Variants in RBFOX3 observed in about 807,000 individuals in gnomAD.
The protein encoded by RBFOX3 is RNA binding fox-1 homolog 3.
RBFOX3 carries 17 observed loss-of-function variants against 48.7 expected under a neutral mutation model. The ratio of observed to expected loss-of-function variants is 0.35; its 90% CI spans 0.24 to 0.52. The LOEUF (loss-of-function observed/expected upper bound fraction) is 0.52. RBFOX3 is among the 20% of genes least tolerant of loss of function. The pLI, the probability that RBFOX3 is intolerant of heterozygous loss-of-function variation, is 0.94. For synonymous variants in RBFOX3, 212 were observed against 209.5 expected, an observed-to-expected ratio of 1.01 and a Z score of -0.10; for missense variants, 382 against 497.5, an observed-to-expected ratio of 0.77 and a Z score of 2.21.
chr17:79,554,885 C>T lies in RBFOX3; in HGVS notation c.-320+55941G>A, dbSNP rs977690656. On this transcript the variant is annotated intron_variant, in intron 1 of 14. Transcript: ENST00000693108. Reference sequence around the variant, plus strand: ...TCCCTCTTTTATGGAATAGAAGACCCGGGCTTAGAGAAGCTAAAGACTTCT... The same window carrying T: ...TCCCTCTTTTATGGAATAGAAGACCTGGGCTTAGAGAAGCTAAAGACTTCT... Among the ~76,000 whole-genome samples the T allele has an allele frequency of 1.6e-3, 243 of 152,274 alleles. 1 individual carries two copies. The highest frequency in any genetic ancestry group is 5.8e-3 in the Admixed American group (89 of 15,300).
intron 2 of RBFOX3, among the ~76,000 whole-genome samples, chr17:79,427,103 T>C (rs568459916): frequency 9.9e-5 from 15 of 152,202 alleles, no homozygotes; most frequent in African/African-American, 2.9e-4. Flanking sequence ...GCTCTCTACA[T>C]CCTCAGTTCT....
At chr17:79,545,424 G>T (rs1432322025) in intron 1 of RBFOX3, among the ~76,000 whole-genome samples, 2 of 152,100 alleles carry the variant, frequency 1.3e-5, no homozygotes, top group African/African-American at 4.8e-5. Context: ...CGGCCACAGG[G>T]TCCCACCGGC....
chr17:79,550,453 T>A (rs2091025097), intron 1 of RBFOX3, among the ~76,000 whole-genome samples: 1 of 151,732 alleles, frequency 6.6e-6, no homozygotes, highest in Non-Finnish European at 1.5e-5. Flanking sequence ...AGGAAGTACA[T>A]CACACACACA....
intron 2 of RBFOX3, among the ~76,000 whole-genome samples, chr17:79,317,205 C>T (rs991558483): frequency 1.3e-5 from 2 of 152,210 alleles, no homozygotes; most frequent in African/African-American, 4.8e-5. Flanking sequence ...CAGCATATGG[C>T]CCGGCTGAAA....
chr17:79,532,522 C>T (rs2087956525), intron 1 of RBFOX3, among the ~76,000 whole-genome samples: 1 of 152,174 alleles, frequency 6.6e-6, no homozygotes, highest in African/African-American at 2.4e-5. Context: ...CAGGGGGCCA[C>T]ACGTGGGAGG....
chr17:79,260,396 T>A (rs898525), intron 3 of RBFOX3, among the ~76,000 whole-genome samples: 49,075 of 152,122 alleles, frequency 0.32, 8,330 homozygotes, highest in Non-Finnish European at 0.39. Flanking sequence ...GGAACCCAGA[T>A]GGGGTCTTGT....
intron 2 of RBFOX3, among the ~76,000 whole-genome samples, chr17:79,404,125 A>C (rs1444540554): frequency 6.6e-6 from 1 of 152,172 alleles, no homozygotes; most frequent in Non-Finnish European, 1.5e-5. Context: ...CTTCCCTGCC[A>C]AGGGTGATGC....
intron 6 of RBFOX3, 134 bp downstream of exon 6, chr17:79,106,517 C>G: frequency 8.4e-7 from 1 of 1,195,412 alleles, no homozygotes; most frequent in Middle Eastern, 2.9e-4. Context: ...TCCTGGGGCC[C>G]CGGAGGCTCC....
the RBFOX3 span, among the ~76,000 whole-genome samples, chr17:79,633,445 G>T: frequency 6.6e-6 from 1 of 152,226 alleles, no homozygotes; most frequent in Non-Finnish European, 1.5e-5. Context: ...AGGGAGGTGG[G>T]CTGGGTGGGC....
At position 79,372,310 on chromosome 17, in the gene RBFOX3, C is replaced by G. The variant is rs868225121; in HGVS notation, c.-174-64486G>C. On this transcript the variant is annotated intron_variant, in intron 2 of 14. Coordinates refer to ENST00000693108, the MANE Select transcript of RBFOX3 (RefSeq NM_001350451.2). The stretch of plus-strand genomic sequence containing the variant: ...CTATAGCCCCTCTATACTATAGACC[C>G]CCCCCTGTCAAATCCCCCCCATCCT... Among the ~76,000 whole-genome samples, 126 of 120,022 alleles carry G rather than the reference C, an allele frequency of 1.0e-3. 2 individuals are homozygous for G. Among genetic ancestry groups the G allele is most frequent in the Admixed American group, 6.1e-3 (66 of 10,820 alleles). 78.7% of individuals were successfully genotyped at this position (120,022 alleles called of 152,430 possible). A position where few individuals can be genotyped will look rare whatever the true frequency, so the allele number is the denominator to read the frequency against.
intron 1 of RBFOX3, among the ~76,000 whole-genome samples, chr17:79,519,462 C>A (rs1161567129): frequency 2.6e-5 from 4 of 152,218 alleles, no homozygotes; most frequent in Non-Finnish European, 4.4e-5. Context: ...GGAACAGAGC[C>A]CCTCAAGAGG....
rs549824294 is a variant in RBFOX3, at chr17:79,249,753, C to A, written c.-73-13948G>T. Among the ~76,000 whole-genome samples the A allele has an allele frequency of 7.2e-5, 11 of 152,278 alleles. No individual in the cohort carries two copies. In the East Asian group the frequency reaches 2.1e-3, roughly 29 times the overall value. ...CCCCTGTGAACCCCCATTCCCTCTG[C>A]CTCCCGACCAAACCTGGTACCTCCC... On this transcript the variant is annotated intron_variant, in intron 3 of 14. Coordinates refer to ENST00000693108, the MANE Select transcript of RBFOX3 (RefSeq NM_001350451.2). This position sits in a 1 kb window ranked among gnomAD's most constrained non-coding sequence, Gnocchi z 4.1.
At chr17:79,539,922 G>A (rs782470350) in intron 1 of RBFOX3, among the ~76,000 whole-genome samples, 3 of 152,186 alleles carry the variant, frequency 2.0e-5, no homozygotes, top group Non-Finnish European at 4.4e-5. Flanking sequence ...CCCACGCGAT[G>A]TGTAACACAT....
intron 4 of RBFOX3, among the ~76,000 whole-genome samples, chr17:79,119,453 G>C (rs2035090708): frequency 6.6e-6 from 1 of 152,194 alleles, no homozygotes; most frequent in Non-Finnish European, 1.5e-5. Context: ...AGCAGCACTG[G>C]CAGCCAGGAT....
At chr17:79,528,896 C>T (rs570430691) in intron 1 of RBFOX3, among the ~76,000 whole-genome samples, 9 of 152,304 alleles carry the variant, frequency 5.9e-5, no homozygotes, top group African/African-American at 1.9e-4. Flanking sequence ...GTGACTGGGA[C>T]AGTGTCTGTC....
intron 3 of RBFOX3, 95 bp from the exon 4 acceptor site, chr17:79,235,900 G>T (rs1232606039): frequency 1.3e-5 from 2 of 153,422 alleles, no homozygotes; most frequent in African/African-American, 2.4e-5. Flanking sequence ...CATCGACTAG[G>T]GAAGTCTGGA....
intron 1 of RBFOX3, among the ~76,000 whole-genome samples, chr17:79,540,659 C>T (rs1208427696): frequency 3.3e-5 from 5 of 152,218 alleles, no homozygotes; most frequent in African/African-American, 9.6e-5. Context: ...GGTGCACAGA[C>T]GTGGGCTGAG....
At chr17:79,218,641 C>G (rs1022465867) in intron 4 of RBFOX3, among the ~76,000 whole-genome samples, 1 of 152,198 alleles carries the variant, frequency 6.6e-6, no homozygotes. Flanking sequence ...CCGGCTCACA[C>G]ACGCCAGGTC....
chr17:79,344,038 G>A (rs953284694), intron 2 of RBFOX3, among the ~76,000 whole-genome samples: 1 of 152,148 alleles, frequency 6.6e-6, no homozygotes, highest in Admixed American at 6.6e-5. Context: ...CTGTGACAAG[G>A]ACAAACACTT....
Sources: gnomAD v4.1 joint callset for allele counts (sites outside exome capture counted in the v4.1 genomes callset) on GRCh38, gnomAD v4.1.1 for gene constraint, Gnocchi (gnomAD v3.1) non-coding constraint, MANE v1.5 for transcripts, NCBI Gene and HGNC (gene_info 2026-07-23, HGNC 2026-07-21) for gene names.